LSS: variants seen among roughly 807,000 people sequenced by gnomAD.
LSS encodes the protein lanosterol synthase.
LSS carries 90 observed loss-of-function variants against 110.3 expected under a neutral mutation model. The observed-to-expected ratio is 0.82, with a 90% confidence interval of 0.69 to 0.97. The LOEUF is 0.97. LSS is among the 50% of genes least tolerant of loss of function. The probability of loss-of-function intolerance (pLI) is 0.00; values close to 1 mark genes in which losing one functional copy is unlikely to be tolerated. For missense variants in LSS, 927 were observed against 990.0 expected, an observed-to-expected ratio of 0.94 and a Z score of 0.85; for synonymous variants, 433 against 400.0, an observed-to-expected ratio of 1.08 and a Z score of -0.98.
At chr21:46,228,288 C>G (rs2080381138) in intron 2 of LSS, 146 bp downstream of exon 2, 2 of 845,268 alleles carry the variant, frequency 2.4e-6, no homozygotes, top group Admixed American at 2.9e-5. Context: ...CGGAGGGGCC[C>G]GCGAACGCAG....
intron 20 of LSS, chr21:46,193,518 A>G: frequency 2.3e-6 from 1 of 435,582 alleles, no homozygotes; most frequent in South Asian, 1.6e-5. Flanking sequence ...CTGTGTGTGC[A>G]TCTGTCTCCA....
chr21:46,214,356 C>T (rs2080172275), intron 9 of LSS, among the ~76,000 whole-genome samples: 2 of 152,228 alleles, frequency 1.3e-5, no homozygotes, highest in Non-Finnish European at 2.9e-5. Flanking sequence ...TACAGATGTG[C>T]TCTATATGGG....
chr21:46,192,137 C>A (rs944592782), intron 20 of LSS, 178 bp from the exon 21 acceptor site: 18 of 632,268 alleles, frequency 2.8e-5, no homozygotes, highest in Non-Finnish European at 4.3e-5. Flanking sequence ...CTTGCCACAC[C>A]TTCTTCCTAG....
intron 9 of LSS, among the ~76,000 whole-genome samples, chr21:46,214,718 G>A (rs2080177505): frequency 6.6e-6 from 1 of 152,206 alleles, no homozygotes; most frequent in Non-Finnish European, 1.5e-5. Context: ...CCCCACAGAG[G>A]TGAGAGCTCC....
intron 20 of LSS, chr21:46,192,477 C>T (rs1213256725): frequency 6.6e-6 from 3 of 455,082 alleles, no homozygotes; most frequent in African/African-American, 2.0e-5. Flanking sequence ...GGCCACAAAC[C>T]TAATAGGGCA....
At chr21:46,211,414 C>T (rs1441238559) in intron 11 of LSS, among the ~76,000 whole-genome samples, 1 of 152,196 alleles carries the variant, frequency 6.6e-6, no homozygotes, top group Non-Finnish European at 1.5e-5. Context: ...CAGGCGTGAG[C>T]CACCGCACCT....
In LSS at chr21:46,221,859, T is replaced by C. The variant is rs1427208784; in HGVS notation, c.545A>G (p.Lys182Arg). ...DLVRARNILHKKGGAVAIPSW... is the reference protein window; with the variant it reads ...DLVRARNILHRKGGAVAIPSW... ...ACATGCTGCACATGCCGTACCTTTC[T>C]TGTGAAGAATGTTCCGGGCTCGTAC... Residue 182 changes from lysine to arginine, a missense_variant, in exon 5 of 22, where the codon AAG (lysine) becomes AGG (arginine). Physicochemically the swap from Lys to Arg is conservative, Grantham distance 26. Coordinates refer to ENST00000397728, the MANE Select transcript of LSS (RefSeq NM_002340.6). The C allele has an allele frequency of 1.9e-6, 3 of 1,614,120 alleles. No homozygotes were observed. The South Asian group carries it at 3.3e-5, about 18-fold the overall frequency.
intron 3 of LSS, among the ~76,000 whole-genome samples, chr21:46,223,789 G>A (rs1444382242): frequency 1.3e-5 from 2 of 152,220 alleles, no homozygotes; most frequent in African/African-American, 4.8e-5. Context: ...GTTATGCCCG[G>A]ACGGGGCCAG....
chr21:46,223,680 C>T (rs1045991207), intron 3 of LSS, among the ~76,000 whole-genome samples: 1 of 152,168 alleles, frequency 6.6e-6, no homozygotes. Context: ...TAATAATCCT[C>T]GCTCTACAAT....
At chr21:46,203,114 C>G (rs370711947) in intron 17 of LSS, among the ~76,000 whole-genome samples, 5 of 152,310 alleles carry the variant, frequency 3.3e-5, no homozygotes, top group Non-Finnish European at 7.4e-5. Flanking sequence ...GAGAAGTCAC[C>G]AGGCCAGGTC....
At chr21:46,219,704 GA>G (rs2080251022) in intron 5 of LSS, 132 bp from the exon 6 acceptor site, 1 of 524,728 alleles carries the variant, frequency 1.9e-6, no homozygotes, top group Non-Finnish European at 3.3e-6. Flanking sequence ...GCCTCATGTG[GA>G]TCTTGCGACC....
chr21:46,207,495 A>T lies in LSS; in HGVS notation c.1400T>A (p.Leu467Gln). 2 of 1,612,568 alleles carry T rather than the reference A, an allele frequency of 1.2e-6. No individual in the cohort carries two copies. The highest frequency in any genetic ancestry group is 1.7e-6 in the Non-Finnish European group (2 of 1,179,564). ...TAEALKAVLL[L>Q]QEKCPHVTEH... is the part of the protein sequence containing the mutation. ...GGTGACATGGGGACACTTCTCCTGC[A>T]GGAGCAGCACAGCCTTCAAGGCCTC... Residue 467 changes from leucine (L) to glutamine (Q), a missense_variant, in exon 15 of 22, where the codon CTG (leucine) becomes CAG (glutamine). Transcript: ENST00000397728.
At chr21:46,222,114 AC>A in intron 4 of LSS, 139 bp from the exon 5 acceptor site, 1 of 859,004 alleles carries the variant, frequency 1.2e-6, no homozygotes, top group Non-Finnish European at 1.8e-6. Context: ...AACACAGGAG[AC>A]CCCTGAGCAG....
At chr21:46,215,607 G>A (rs1279696908) in intron 8 of LSS, 78 bp downstream of exon 8, 1 of 1,008,848 alleles carries the variant, frequency 9.9e-7, no homozygotes, top group Non-Finnish European at 1.5e-6. Flanking sequence ...CGCTGGCAGG[G>A]GATGAGTGCG....
rs1286609473 is a variant in LSS at position 46,219,569 on chromosome 21, C to T, written c.554G>A (p.Gly185Asp). 6.3e-7 allele frequency: 1 copy of T among 1,591,762 alleles called. No individual in the cohort carries two copies. The highest frequency in any genetic ancestry group is 2.3e-5 in the East Asian group (1 of 43,456). ...CCCCCAGGAGGGGATGGCCACAGCA[C>T]CACCTGAGCGGGGAGAGAATAGGCC... is the stretch of plus-strand genomic sequence containing the variant. ...RARNILHKKGGAVAIPSWGKF... is the reference protein window; with the variant it reads ...RARNILHKKGDAVAIPSWGKF... The change falls in exon 6 of 22, where the codon GGT becomes GAT. Residue 185 changes from glycine to aspartate, a missense_variant. Coordinates refer to ENST00000397728, the MANE Select transcript of LSS (RefSeq NM_002340.6).
At chr21:46,223,433 C>T (rs1178284385) in intron 3 of LSS, among the ~76,000 whole-genome samples, 1 of 152,196 alleles carries the variant, frequency 6.6e-6, no homozygotes, top group African/African-American at 2.4e-5. Flanking sequence ...CCACATGTGC[C>T]ATGGAATGAA....
intron 4 of LSS, 92 bp downstream of exon 4, chr21:46,222,538 C>A: frequency 2.6e-6 from 3 of 1,140,870 alleles, no homozygotes; most frequent in Non-Finnish European, 3.8e-6. Context: ...TCACTCCTAA[C>A]CCCTGGCAGC....
intron 4 of LSS, 142 bp downstream of exon 4, chr21:46,222,488 G>A (rs568180654): frequency 7.4e-6 from 5 of 671,180 alleles, no homozygotes; most frequent in African/African-American, 3.6e-5. Flanking sequence ...CTCCCCGCCT[G>A]CTAGTCTCTC....
chr21:46,215,821 G>A (rs767257018), intron 7 of LSS, 28 bp from the exon 8 acceptor site: 2 of 1,488,020 alleles, frequency 1.3e-6, no homozygotes, highest in Admixed American at 3.5e-5. Context: ...TGAGCCTTGG[G>A]GCCTGGGAGC....
Sources: allele counts gnomAD v4.1 joint callset (sites outside exome capture counted in the v4.1 genomes callset), GRCh38; gene constraint gnomAD v4.1.1; transcripts MANE v1.5; gene names NCBI Gene and HGNC (gene_info 2026-07-23, HGNC 2026-07-21).